The following COL23A1 variants were observed in gnomAD, a reference collection of about 807,000 sequenced individuals.
The protein encoded by COL23A1 is collagen type XXIII alpha 1 chain.
A neutral mutation model predicts 99.3 loss-of-function variants in COL23A1; 97 were observed. That is an observed-to-expected ratio of 0.98 (90% CI 0.83 to 1.16). The LOEUF is 1.16. Among genes scored for constraint, COL23A1 ranks in the 50% most tolerant of loss-of-function variants. COL23A1 has a pLI of 0.00. For missense variants in COL23A1, 762 were observed against 757.4 expected (o/e 1.01, Z -0.07); for synonymous variants, 320 against 308.2 (o/e 1.04, Z -0.40).
At chr5:178,523,071 C>T (rs1358912061) in intron 2 of COL23A1, among the ~76,000 whole-genome samples, 6 of 150,740 alleles carry the variant, frequency 4.0e-5, no homozygotes, top group Non-Finnish European at 8.8e-5. Context: ...GAGGCTGAGG[C>T]AGGCAGATCA....
At chr5:178,249,716 A>ACACTCACTCTCT in intron 18 of COL23A1, among the ~76,000 whole-genome samples, 948 of 92,822 alleles carry the variant, frequency 0.01, 9 homozygotes, top group East Asian at 0.052. Flanking sequence ...ACACACACAC[A>ACACTCACTCTCT]CTCTCTCTCT....
rs556468701 is a variant in COL23A1 at position 178,333,112 on chromosome 5, C to T, written c.362-26193G>A. Among the ~76,000 whole-genome samples the T allele has an allele frequency of 1.4e-4, 22 of 152,246 alleles. No homozygotes were observed. In the East Asian group the frequency reaches 1.7e-3, roughly 12 times the overall value. ...AGCTGGGACTACAGGCGCCTGCCAC[C>T]GTGCCCAGCTAATTTTTGTATTTTT... is the stretch of plus-strand genomic sequence containing the variant. On this transcript the variant is annotated intron_variant, in intron 2 of 28. Coordinates refer to ENST00000390654, the MANE Select transcript of COL23A1 (RefSeq NM_173465.4).
At chr5:178,508,524 T>A (rs550523534) in intron 2 of COL23A1, among the ~76,000 whole-genome samples, 26 of 152,330 alleles carry the variant, frequency 1.7e-4, no homozygotes, top group Non-Finnish European at 3.4e-4. Context: ...CAGGAAAAGA[T>A]GGGGGGTGCC....
chr5:178,585,364 C>A (rs535425129), intron 1 of COL23A1, among the ~76,000 whole-genome samples: 2 of 151,188 alleles, frequency 1.3e-5, no homozygotes, highest in East Asian at 3.9e-4. Context: ...CTCTATGGCC[C>A]CAGCTGACTC....
intron 2 of COL23A1, among the ~76,000 whole-genome samples, chr5:178,350,061 G>T (rs964797812): frequency 1.3e-5 from 2 of 152,216 alleles, no homozygotes; most frequent in African/African-American, 4.8e-5. Flanking sequence ...CCTAAAACCA[G>T]GTTACAATGC....
chr5:178,509,153 ACT>A (rs1759050011), intron 2 of COL23A1, among the ~76,000 whole-genome samples: 1 of 151,046 alleles, frequency 6.6e-6, no homozygotes, highest in Non-Finnish European at 1.5e-5. Flanking sequence ...AGAAATGCAG[ACT>A]CTCAGGCACC....
intron 2 of COL23A1, among the ~76,000 whole-genome samples, chr5:178,463,090 G>A (rs767895085): frequency 3.3e-5 from 5 of 152,198 alleles, no homozygotes; most frequent in Non-Finnish European, 5.9e-5. Flanking sequence ...ACCGCGCAGC[G>A]ACACAAAGGG....
chr5:178,437,429 G>A (rs947474421), intron 2 of COL23A1, among the ~76,000 whole-genome samples: 33 of 152,224 alleles, frequency 2.2e-4, no homozygotes, highest in Admixed American at 1.7e-3. Context: ...GAGGTCGCCA[G>A]GATCTGGTCC....
chr5:178,419,292 G>A (rs1436375289), intron 2 of COL23A1, among the ~76,000 whole-genome samples: 1 of 152,184 alleles, frequency 6.6e-6, no homozygotes, highest in Non-Finnish European at 1.5e-5. Context: ...TTGGTCTAAC[G>A]TTAAGCCGAA....
At chr5:178,480,725 G>A (rs1757287606) in intron 2 of COL23A1, among the ~76,000 whole-genome samples, 1 of 152,174 alleles carries the variant, frequency 6.6e-6, no homozygotes, top group Non-Finnish European at 1.5e-5. Context: ...AATGGTCACG[G>A]ATAATACCTA....
At chr5:178,503,091 G>A (rs1433087057) in intron 2 of COL23A1, among the ~76,000 whole-genome samples, 4 of 152,206 alleles carry the variant, frequency 2.6e-5, no homozygotes, top group Admixed American at 6.5e-5. Context: ...CTTTAAAAAC[G>A]TCAATGCTGG....
At chr5:178,381,177 T>C (rs1484568614) in intron 2 of COL23A1, among the ~76,000 whole-genome samples, 1 of 152,238 alleles carries the variant, frequency 6.6e-6, no homozygotes, top group Non-Finnish European at 1.5e-5. Context: ...ATTGGTGACG[T>C]TGCCTTCAAC....
rs1358143708 is a variant in COL23A1, at chr5:178,384,978, G to A, written c.362-78059C>T. On this transcript the variant is annotated intron_variant, in intron 2 of 28. Transcript: ENST00000390654. The surrounding 1 kb of genome is among the most constrained non-coding windows in gnomAD (Gnocchi z 5.5). ...CTGCCCCATCCAAGCCACCACACTG[G>A]GCTGCCCAGCCCACTCCACGCCGGG... Among the ~76,000 whole-genome samples the A allele has an allele frequency of 6.6e-6, 1 of 152,180 alleles. No homozygotes were observed. Among genetic ancestry groups the A allele is most frequent in the Non-Finnish European group, 1.5e-5 (1 of 68,014 alleles).
At chr5:178,382,722 C>T (rs1763449998) in intron 2 of COL23A1, among the ~76,000 whole-genome samples, 1 of 152,212 alleles carries the variant, frequency 6.6e-6, no homozygotes. Context: ...GAAAAGAGAG[C>T]CCCAGGCCCA....
At chr5:178,535,472 C>T (rs886345810) in intron 2 of COL23A1, among the ~76,000 whole-genome samples, 10 of 152,230 alleles carry the variant, frequency 6.6e-5, no homozygotes, top group African/African-American at 1.4e-4. Context: ...ACTCTGAAGG[C>T]GCTCTGTATA....
intron 2 of COL23A1, among the ~76,000 whole-genome samples, chr5:178,488,714 A>T (rs1757765693): frequency 6.6e-6 from 1 of 151,896 alleles, no homozygotes; most frequent in East Asian, 1.9e-4. Context: ...GGTATGATTG[A>T]CATGAACAAC....
chr5:178,344,558 G>A (rs917316562), intron 2 of COL23A1, among the ~76,000 whole-genome samples: 6 of 152,088 alleles, frequency 3.9e-5, no homozygotes, highest in Non-Finnish European at 5.9e-5. Flanking sequence ...AACCAGAATC[G>A]CTTGAACCTG....
chr5:178,357,780 GTGTATGTGTGTGTGTA>G (rs1761763551), intron 2 of COL23A1, among the ~76,000 whole-genome samples: 1 of 140,234 alleles, frequency 7.1e-6, no homozygotes, highest in Non-Finnish European at 1.6e-5. Context: ...ATGTGTGTAT[GTGTATGTGTGTGTGTA>G]TGTGTGTGTG....
At chr5:178,397,548 G>A (rs973420728) in intron 2 of COL23A1, among the ~76,000 whole-genome samples, 7 of 152,316 alleles carry the variant, frequency 4.6e-5, no homozygotes, top group Middle Eastern at 3.4e-3. Context: ...ACGGGCATCC[G>A]CCCCCACTCA....
Sources: gnomAD v4.1 joint callset for allele counts (sites outside exome capture counted in the v4.1 genomes callset) on GRCh38, gnomAD v4.1.1 for gene constraint, Gnocchi (gnomAD v3.1) non-coding constraint, MANE v1.5 for transcripts, NCBI Gene and HGNC (gene_info 2026-07-23, HGNC 2026-07-21) for gene names.